RHOBTB1: variants seen among roughly 807,000 people sequenced by gnomAD.
The protein encoded by RHOBTB1 is Rho related BTB domain containing 1, also known as rho-related BTB domain-containing protein 1.
Under a neutral mutation model 71.6 loss-of-function variants are expected in RHOBTB1, and 40 were observed. That is an observed-to-expected ratio of 0.56 (90% CI 0.43 to 0.73). The LOEUF (loss-of-function observed/expected upper bound fraction) is 0.73. Among genes scored for constraint, RHOBTB1 ranks in the 30% least tolerant of loss-of-function variants. The probability of loss-of-function intolerance (pLI) is 0.00; values close to 1 mark genes in which losing one functional copy is unlikely to be tolerated. For synonymous variants in RHOBTB1, 319 were observed against 334.9 expected, an observed-to-expected ratio of 0.95 and a Z score of 0.52; for missense variants, 797 against 894.0, an observed-to-expected ratio of 0.89 and a Z score of 1.38.
chr10:60,887,163 C>G (rs557238884), intron 6 of RHOBTB1, among the ~76,000 whole-genome samples: 7 of 151,618 alleles, frequency 4.6e-5, no homozygotes, highest in Admixed American at 4.6e-4. Flanking sequence ...ATTTAATCAA[C>G]TCTACCTAAA....
chr10:60,922,148 A>T (rs867486795), intron 2 of RHOBTB1, among the ~76,000 whole-genome samples: 1 of 152,204 alleles, frequency 6.6e-6, no homozygotes. Flanking sequence ...AAACATCCTA[A>T]TTCAAGGGAT....
intron 7 of RHOBTB1, among the ~76,000 whole-genome samples, chr10:60,882,782 T>C (rs142087713): frequency 6.6e-6 from 1 of 152,316 alleles, no homozygotes; most frequent in East Asian, 1.9e-4. Flanking sequence ...ACCTGTATTG[T>C]ACTTTCCTAG....
intron 7 of RHOBTB1, among the ~76,000 whole-genome samples, chr10:60,883,492 C>T (rs371126399): frequency 6.6e-6 from 1 of 152,194 alleles, no homozygotes; most frequent in African/African-American, 2.4e-5. Context: ...TTCCTGACCT[C>T]GATCAACTTC....
intron 2 of RHOBTB1, among the ~76,000 whole-genome samples, chr10:60,961,175 G>T (rs948713988): frequency 2.6e-5 from 4 of 152,062 alleles, no homozygotes; most frequent in African/African-American, 7.2e-5. Context: ...AGGCACTGTG[G>T]CATGCCATGC....
intron 2 of RHOBTB1, among the ~76,000 whole-genome samples, chr10:60,936,756 T>C (rs2084608098): frequency 1.3e-5 from 2 of 152,248 alleles, no homozygotes; most frequent in South Asian, 4.1e-4. Context: ...ATGCCCATTT[T>C]TGTTGTATGC....
intron 4 of RHOBTB1, among the ~76,000 whole-genome samples, chr10:60,896,994 C>A (rs889758213): frequency 6.6e-6 from 1 of 151,918 alleles, no homozygotes; most frequent in Non-Finnish European, 1.5e-5. Flanking sequence ...TTTCAGTTAT[C>A]TTTCGAGGGG....
intron 4 of RHOBTB1, among the ~76,000 whole-genome samples, chr10:60,894,618 C>G (rs754513012): frequency 2.9e-4 from 44 of 152,090 alleles, no homozygotes; most frequent in Non-Finnish European, 5.3e-4. Flanking sequence ...TATTCATAAT[C>G]ATATTTATAT....
intron 2 of RHOBTB1, among the ~76,000 whole-genome samples, chr10:60,938,874 G>C (rs1207187205): frequency 6.6e-6 from 1 of 151,948 alleles, no homozygotes; most frequent in Non-Finnish European, 1.5e-5. Context: ...ATGAATATTA[G>C]CTGTAATTTA....
intron 2 of RHOBTB1, among the ~76,000 whole-genome samples, chr10:60,922,446 G>A (rs1261152714): frequency 6.6e-6 from 1 of 152,158 alleles, no homozygotes; most frequent in East Asian, 1.9e-4. Flanking sequence ...GAAACTAAGG[G>A]TGAAAAGTAA....
Position 60,903,144 on chromosome 10 carries a change from C to G in RHOBTB1, c.296+7743G>C, listed in dbSNP as rs141476055. On this transcript the variant is annotated intron_variant, in intron 4 of 10. Transcript: ENST00000337910. ...AGTGCAGAGAGGAATTCTAGGAGTA[C>G]GTGACACTTGTTCTAATTCTTAGCA... Among the ~76,000 whole-genome samples, 829 of 152,204 alleles carry G rather than the reference C, an allele frequency of 5.4e-3. 6 individuals are homozygous for G. The highest frequency in any genetic ancestry group is 0.019 in the African/African-American group (777 of 41,508).
chr10:60,953,539 A>G (rs1252417276), intron 2 of RHOBTB1, among the ~76,000 whole-genome samples: 1 of 152,224 alleles, frequency 6.6e-6, no homozygotes, highest in African/African-American at 2.4e-5. Flanking sequence ...TTTTAATAAC[A>G]GAGGTGATAT....
intron 2 of RHOBTB1, among the ~76,000 whole-genome samples, chr10:60,982,515 T>C (rs929043104): frequency 2.0e-5 from 3 of 152,198 alleles, no homozygotes; most frequent in South Asian, 2.1e-4. Context: ...GACTCTGTTG[T>C]TGGGGGCCAT....
Position 60,888,602 on chromosome 10 carries a change from C to T in RHOBTB1, c.1066G>A (p.Ala356Thr). 6.2e-7 allele frequency: 1 copy of T among 1,614,210 alleles called. No individual in the cohort carries two copies. Among genetic ancestry groups the T allele is most frequent in the South Asian group, 1.1e-5 (1 of 91,088 alleles). Residue 356 changes from alanine to threonine, a missense_variant, in exon 6 of 11, where the codon GCT (alanine) becomes ACT (threonine). Around this residue, in one of 2 missense-constraint regions of RHOBTB1, gnomAD observed 658 missense variants for 681.5 expected, o/e 0.97. Coordinates refer to ENST00000337910, the MANE Select transcript of RHOBTB1 (RefSeq NM_014836.5). ...GCACCCTCGGCTTCCAGCCCCAGAGCCTCCACCAGGCTCTTGTTTGAAGAC... is the reference window on the plus strand; with the variant it reads ...GCACCCTCGGCTTCCAGCCCCAGAGTCTCCACCAGGCTCTTGTTTGAAGAC... Reference protein sequence around the residue: ...WKSSNKSLVEALGLEAEGAVP... With the variant: ...WKSSNKSLVETLGLEAEGAVP...
At chr10:60,897,427 A>T (rs1407436793) in intron 4 of RHOBTB1, among the ~76,000 whole-genome samples, 2 of 152,234 alleles carry the variant, frequency 1.3e-5, no homozygotes, top group Non-Finnish European at 2.9e-5. Context: ...CTTTTCTAGT[A>T]TCATTTATTT....
chr10:60,946,918 A>G (rs1395884085), upstream of RHOBTB1, among the ~76,000 whole-genome samples: 7 of 152,248 alleles, frequency 4.6e-5, no homozygotes, highest in Non-Finnish European at 7.3e-5. Context: ...TTTCAAGAAA[A>G]TAAGTTGGTA....
chr10:60,998,991 G>A (rs538936798), intron 1 of RHOBTB1, among the ~76,000 whole-genome samples: 108 of 152,274 alleles, frequency 7.1e-4, no homozygotes, highest in Admixed American at 2.3e-3. Flanking sequence ...CACAGACAAC[G>A]CCTGCCTCAC....
chr10:60,962,975 C>T (rs980993713), intron 2 of RHOBTB1, among the ~76,000 whole-genome samples: 3 of 152,166 alleles, frequency 2.0e-5, no homozygotes, highest in African/African-American at 7.2e-5. Flanking sequence ...GTTGTTAGGA[C>T]TGAAAATCTA....
intron 1 of RHOBTB1, among the ~76,000 whole-genome samples, chr10:60,986,753 G>A (rs1589463684): frequency 6.6e-6 from 1 of 152,118 alleles, no homozygotes; most frequent in South Asian, 2.1e-4. Flanking sequence ...TTGCTTGGAG[G>A]TAGTTATTAT....
chr10:60,973,980 A>G (rs900330079), intron 2 of RHOBTB1, among the ~76,000 whole-genome samples: 2 of 152,094 alleles, frequency 1.3e-5, no homozygotes, highest in African/African-American at 4.8e-5. Context: ...TTATTAAACT[A>G]AATCAAAATG....
Sources: allele counts gnomAD v4.1 joint callset (sites outside exome capture counted in the v4.1 genomes callset), GRCh38; gene constraint gnomAD v4.1.1; regional missense constraint gnomAD v4.1.1; transcripts MANE v1.5; gene names NCBI Gene and HGNC (gene_info 2026-07-23, HGNC 2026-07-21).